CLSTN2: variants seen among roughly 807,000 people sequenced by gnomAD.
CLSTN2 encodes the protein calsyntenin 2.
CLSTN2 carries 48 observed loss-of-function variants against 101.2 expected under a neutral mutation model. The ratio of observed to expected loss-of-function variants is 0.47; its 90% confidence interval spans 0.38 to 0.60. The LOEUF (loss-of-function observed/expected upper bound fraction) is 0.60, where lower values mean the gene tolerates loss of function less well. Ranked by LOEUF, CLSTN2 falls within the 20% of genes least tolerant of loss-of-function variation. The pLI, the probability that CLSTN2 is intolerant of heterozygous loss-of-function variation, is 0.00. For synonymous variants in CLSTN2, 481 were observed against 463.6 expected, an observed-to-expected ratio of 1.04 and a Z score of -0.48; for missense variants, 1,160 against 1,238.2, an observed-to-expected ratio of 0.94 and a Z score of 0.95.
At chr3:140,096,577 T>C (rs1416391606) in intron 1 of CLSTN2, among the ~76,000 whole-genome samples, 1 of 152,204 alleles carries the variant, frequency 6.6e-6, no homozygotes, top group Non-Finnish European at 1.5e-5. Context: ...GAGATAGTTA[T>C]GAAGAATTCT....
chr3:140,166,652 T>C (rs1282409395), intron 1 of CLSTN2, among the ~76,000 whole-genome samples: 1 of 152,202 alleles, frequency 6.6e-6, no homozygotes, highest in Non-Finnish European at 1.5e-5. Flanking sequence ...GGAGCTCTCC[T>C]GAGGAATGCA....
intron 1 of CLSTN2, among the ~76,000 whole-genome samples, chr3:140,016,793 G>GAAA (rs56040791): frequency 4.1e-4 from 37 of 89,222 alleles, no homozygotes; most frequent in South Asian, 9.8e-4. Flanking sequence ...GTGAGACTCT[G>GAAA]AAAAAAAAAA....
Position 140,562,260 on chromosome 3 carries a change from C to T in CLSTN2, c.2164C>T (p.Gln722Ter). ...CLELNHSELH[Q>*]RHLDATNSTA... ...GGAGCTCAACCACAGTGAGCTCCAC[C>T]AACGACACCTGGATGCCACTAATTC... Residue 722 changes from glutamine to a stop codon, truncating the protein, a stop_gained, in exon 13 of 17, where the codon CAA becomes TAA. Transcript: ENST00000458420. LOFTEE classifies it high-confidence loss of function. 6.2e-7 allele frequency: 1 copy of T among 1,613,820 alleles called. No individual in the cohort carries two copies.
intron 1 of CLSTN2, among the ~76,000 whole-genome samples, chr3:139,998,314 G>T (rs903480354): frequency 1.6e-5 from 2 of 127,594 alleles, no homozygotes; most frequent in African/African-American, 3.1e-5. Flanking sequence ...TGGGATAATG[G>T]GATAATAGTT....
chr3:140,097,540 G>A (rs935921871), intron 1 of CLSTN2, among the ~76,000 whole-genome samples: 1 of 152,182 alleles, frequency 6.6e-6, no homozygotes, highest in Admixed American at 6.5e-5. Flanking sequence ...GAAACATTAG[G>A]TAAAAATCAC....
At chr3:140,184,851 C>A (rs1252998008) in intron 2 of CLSTN2, among the ~76,000 whole-genome samples, 3 of 152,138 alleles carry the variant, frequency 2.0e-5, no homozygotes, top group African/African-American at 4.8e-5. Flanking sequence ...CTGGATGCAG[C>A]TCCTCTTGAT....
intron 2 of CLSTN2, among the ~76,000 whole-genome samples, chr3:140,379,050 G>T (rs1559853426): frequency 6.6e-6 from 1 of 152,174 alleles, no homozygotes; most frequent in Non-Finnish European, 1.5e-5. Flanking sequence ...TAGCAGCTGG[G>T]CTTCCCCTGC....
At chr3:140,406,371 A>T (rs2088301926) in intron 4 of CLSTN2, among the ~76,000 whole-genome samples, 1 of 152,224 alleles carries the variant, frequency 6.6e-6, no homozygotes, top group African/African-American at 2.4e-5. Flanking sequence ...GAAAAAAATA[A>T]TAATAAGGTA....
intron 1 of CLSTN2, among the ~76,000 whole-genome samples, chr3:140,161,062 T>G (rs1383704508): frequency 6.6e-6 from 1 of 152,114 alleles, no homozygotes; most frequent in Non-Finnish European, 1.5e-5. Flanking sequence ...GCCTCAGGAT[T>G]ACTACTAGTA....
intron 2 of CLSTN2, among the ~76,000 whole-genome samples, chr3:140,269,366 A>C (rs1181656193): frequency 1.3e-5 from 2 of 152,152 alleles, no homozygotes; most frequent in Non-Finnish European, 2.9e-5. Flanking sequence ...TTGACCATAA[A>C]CCCAGCTTAA....
intron 2 of CLSTN2, among the ~76,000 whole-genome samples, chr3:140,373,502 T>C (rs2087881984): frequency 6.6e-6 from 1 of 152,220 alleles, no homozygotes; most frequent in Admixed American, 6.5e-5. Context: ...GTCTATTATA[T>C]TGAGCAGGAA....
chr3:140,482,003 G>A (rs1934127527), intron 8 of CLSTN2, among the ~76,000 whole-genome samples: 1 of 152,192 alleles, frequency 6.6e-6, no homozygotes, highest in African/African-American at 2.4e-5. Context: ...GGAGTGGTGA[G>A]AGAGGGCATC....
intron 4 of CLSTN2, among the ~76,000 whole-genome samples, chr3:140,412,959 A>G (rs868393405): frequency 6.6e-6 from 1 of 152,202 alleles, no homozygotes; most frequent in African/African-American, 2.4e-5. Context: ...AAGATCTCAA[A>G]TAAAAAACCT....
chr3:140,268,355 C>T (rs542699515), intron 2 of CLSTN2, among the ~76,000 whole-genome samples: 35 of 152,318 alleles, frequency 2.3e-4, no homozygotes, highest in Admixed American at 2.2e-3. Context: ...CCCTGTTGGG[C>T]TGGGGACATA....
intron 2 of CLSTN2, among the ~76,000 whole-genome samples, chr3:140,349,205 G>A (rs774277031): frequency 3.3e-5 from 5 of 152,284 alleles, no homozygotes; most frequent in East Asian, 3.9e-4. Flanking sequence ...ATTATTGTAA[G>A]TTTCCTGAGG....
At chr3:140,101,573 G>T (rs1471951584) in intron 1 of CLSTN2, among the ~76,000 whole-genome samples, 1 of 152,064 alleles carries the variant, frequency 6.6e-6, no homozygotes, top group Non-Finnish European at 1.5e-5. Flanking sequence ...TAATGGCTTT[G>T]GCTCTGTATA....
chr3:140,503,468 C>A (rs1449778339), intron 8 of CLSTN2, among the ~76,000 whole-genome samples: 4 of 152,158 alleles, frequency 2.6e-5, no homozygotes, highest in Non-Finnish European at 5.9e-5. Context: ...ACCATAGAGC[C>A]TAGGTGTGTA....
intron 2 of CLSTN2, among the ~76,000 whole-genome samples, chr3:140,323,185 CCCACAG>C (rs1336293761): frequency 6.6e-6 from 1 of 152,194 alleles, no homozygotes; most frequent in Non-Finnish European, 1.5e-5. Context: ...GCAGTGGGTT[CCCACAG>C]CAGTGGGCTT....
At chr3:140,360,080 A>C (rs1270511948) in intron 2 of CLSTN2, among the ~76,000 whole-genome samples, 1 of 152,184 alleles carries the variant, frequency 6.6e-6, no homozygotes, top group Non-Finnish European at 1.5e-5. Context: ...TGCTGGGAAC[A>C]CATTTATAAT....
Sources: gnomAD v4.1 joint callset for allele counts (sites outside exome capture counted in the v4.1 genomes callset) on GRCh38, gnomAD v4.1.1 for gene constraint, MANE v1.5 for transcripts, NCBI Gene and HGNC (gene_info 2026-07-23, HGNC 2026-07-21) for gene names.